VPS13A: variants seen among roughly 807,000 people sequenced by gnomAD.
The protein encoded by VPS13A is intermembrane lipid transfer protein VPS13A.
In VPS13A, 264 loss-of-function variants were observed where a neutral mutation model predicts 390.9. That is an observed-to-expected ratio of 0.68 (90% CI 0.61 to 0.75). The LOEUF is 0.75. Among genes scored for constraint, VPS13A ranks in the 30% least tolerant of loss-of-function variants. The pLI is 0.00. For synonymous variants in VPS13A, 1,231 were observed against 1,227.1 expected (o/e 1.00, Z -0.07); for missense variants, 3,409 against 3,733.9 (o/e 0.91, Z 2.27).
chr9:77,225,104 G>A (rs1435609267), intron 13 of VPS13A, among the ~76,000 whole-genome samples: 1 of 152,128 alleles, frequency 6.6e-6, no homozygotes, highest in Non-Finnish European at 1.5e-5. Context: ...CTATAATGTA[G>A]TAGGAACATA....
intron 68 of VPS13A, among the ~76,000 whole-genome samples, chr9:77,400,229 T>C (rs1834317275): frequency 6.7e-6 from 1 of 149,294 alleles, no homozygotes; most frequent in Non-Finnish European, 1.5e-5. Flanking sequence ...TCAGATTTTT[T>C]TTTTTTTTTT....
intron 5 of VPS13A, among the ~76,000 whole-genome samples, chr9:77,208,396 T>A (rs183093364): frequency 6.6e-6 from 1 of 152,224 alleles, no homozygotes; most frequent in Admixed American, 6.5e-5. Flanking sequence ...TATTTCTATA[T>A]AGGAGTAGAA....
intron 31 of VPS13A, among the ~76,000 whole-genome samples, chr9:77,284,895 G>A (rs1827245626): frequency 6.6e-6 from 1 of 151,674 alleles, no homozygotes; most frequent in South Asian, 2.1e-4. Flanking sequence ...GTAGAGACAG[G>A]GTTTCACTGT....
Position 77,316,180 on chromosome 9 carries a change from C to T in VPS13A, c.4637C>T (p.Thr1546Ile). The stretch of plus-strand genomic sequence containing the variant: ...CTATTTTTATTTGTTTTAGTACCTA[C>T]ACAGGAATCAGTGAAGTGGGAAATT... ...QTWTAKEEVP[T>I]QESVKWEINV... Residue 1546 changes from threonine (T) to isoleucine (I), a missense_variant, in exon 39 of 72, where the codon ACA becomes ATA. Physicochemically the swap from Thr to Ile is moderately conservative, Grantham distance 89 (BLOSUM62 -1). Coordinates refer to ENST00000360280, the MANE Select transcript of VPS13A (RefSeq NM_033305.3). The T allele has an allele frequency of 6.2e-7, 1 of 1,605,108 alleles. No homozygotes were observed. The highest frequency in any genetic ancestry group is 8.5e-7 in the Non-Finnish European group (1 of 1,172,766).
chr9:77,248,818 G>C (rs1358179642), intron 20 of VPS13A, among the ~76,000 whole-genome samples: 2 of 152,052 alleles, frequency 1.3e-5, no homozygotes, highest in Non-Finnish European at 2.9e-5. Flanking sequence ...TGCAACCTCT[G>C]CCTCCCGAGT....
intron 71 of VPS13A, among the ~76,000 whole-genome samples, chr9:77,410,375 A>C (rs1344694144): frequency 6.6e-6 from 1 of 152,212 alleles, no homozygotes; most frequent in East Asian, 1.9e-4. Context: ...GGCTAGGAAG[A>C]AACTGCATCA....
intron 1 of VPS13A, among the ~76,000 whole-genome samples, chr9:77,194,959 GTT>G (rs1479080460): frequency 6.6e-6 from 1 of 151,950 alleles, no homozygotes; most frequent in East Asian, 1.9e-4. Context: ...AGGAATAAAA[GTT>G]TTAACATTTG....
intron 23 of VPS13A, among the ~76,000 whole-genome samples, chr9:77,270,481 A>G (rs1826283812): frequency 6.6e-6 from 1 of 152,196 alleles, no homozygotes; most frequent in African/African-American, 2.4e-5. Context: ...ACTTGAGGCC[A>G]GGAGTTCAAG....
At chr9:77,223,268 A>T (rs1823326107) in intron 13 of VPS13A, among the ~76,000 whole-genome samples, 1 of 152,140 alleles carries the variant, frequency 6.6e-6, no homozygotes, top group African/African-American at 2.4e-5. Context: ...ATTCCATGAG[A>T]TAAAATATTG....
intron 60 of VPS13A, among the ~76,000 whole-genome samples, chr9:77,366,427 A>G (rs1228678469): frequency 6.6e-6 from 1 of 152,110 alleles, no homozygotes; most frequent in African/African-American, 2.4e-5. Context: ...AACAGCTTCA[A>G]CTTTTAGATT....
chr9:77,252,204 AC>A (rs764366983), intron 21 of VPS13A, 30 bp from the exon 22 acceptor site: 25 of 1,515,576 alleles, frequency 1.6e-5, no homozygotes, highest in Non-Finnish European at 2.3e-5. Flanking sequence ...TGTTATAGTT[AC>A]GTTAAATATG....
chr9:77,223,318 G>A (rs1260438895), intron 13 of VPS13A, among the ~76,000 whole-genome samples: 1 of 152,014 alleles, frequency 6.6e-6, no homozygotes, highest in Non-Finnish European at 1.5e-5. Flanking sequence ...GCCTCTAAGT[G>A]TTCAAATATA....
chr9:77,373,172 C>T (rs972574787), intron 67 of VPS13A, among the ~76,000 whole-genome samples: 1 of 150,972 alleles, frequency 6.6e-6, no homozygotes, highest in Admixed American at 6.6e-5. Context: ...GAGCCCGCAT[C>T]GCCAAGGCAA....
intron 25 of VPS13A, 83 bp downstream of exon 25, chr9:77,275,735 G>A (rs1354887682): frequency 6.9e-7 from 1 of 1,453,478 alleles, no homozygotes; most frequent in East Asian, 2.3e-5. Flanking sequence ...TCATTGTTAA[G>A]AAGCACTATC....
intron 66 of VPS13A, 35 bp from the exon 67 acceptor site, chr9:77,370,991 G>A: frequency 1.2e-6 from 2 of 1,614,044 alleles, no homozygotes; most frequent in Non-Finnish European, 1.7e-6. Context: ...TTTCATTCTT[G>A]GATGCAATTG....
intron 52 of VPS13A, among the ~76,000 whole-genome samples, chr9:77,350,017 A>AT (rs973216538): frequency 6.6e-6 from 1 of 151,982 alleles, no homozygotes; most frequent in Non-Finnish European, 1.5e-5. Flanking sequence ...TCCTTACCAT[A>AT]TTTTTTTGTA....
At chr9:77,396,955 T>C (rs1471934609) in intron 68 of VPS13A, among the ~76,000 whole-genome samples, 1 of 152,242 alleles carries the variant, frequency 6.6e-6, no homozygotes, top group Non-Finnish European at 1.5e-5. Context: ...TCTTGCTTGA[T>C]AGTATTCATT....
intron 42 of VPS13A, among the ~76,000 whole-genome samples, chr9:77,320,671 G>T (rs557074565): frequency 1.3e-5 from 2 of 152,114 alleles, no homozygotes; most frequent in South Asian, 4.2e-4. Flanking sequence ...GTGGTTTTTA[G>T]GTTAGAATAC....
At position 77,206,037 on chromosome 9, in the gene VPS13A, C is replaced by T; in HGVS notation, c.343C>T (p.Leu115=). Residue 115 remains leucine, a synonymous_variant, in exon 5 of 72, where the codon CTG becomes TTG. Coordinates refer to ENST00000360280, the MANE Select transcript of VPS13A (RefSeq NM_033305.3). ...KQLMEAKQQE[L]KRIEEAKQKV... ...ACTCATGGAAGCAAAGCAACAGGAACTGAAAAGAATAGAAGAAGCAAAACA... is the reference window on the plus strand; with the variant it reads ...ACTCATGGAAGCAAAGCAACAGGAATTGAAAAGAATAGAAGAAGCAAAACA... 6.3e-7 allele frequency: 1 copy of T among 1,583,844 alleles called. No individual in the cohort carries two copies. The highest frequency in any genetic ancestry group is 8.6e-7 in the Non-Finnish European group (1 of 1,163,184).
Sources: gnomAD v4.1 joint callset for allele counts (sites outside exome capture counted in the v4.1 genomes callset) on GRCh38, gnomAD v4.1.1 for gene constraint, MANE v1.5 for transcripts, NCBI Gene and HGNC (gene_info 2026-07-23, HGNC 2026-07-21) for gene names.